Variants in KRT86 observed in about 807,000 individuals in gnomAD.
KRT86 encodes the protein keratin, type II cuticular Hb6.
KRT86 carries 30 observed loss-of-function variants against 41.2 expected under a neutral mutation model. That is an observed-to-expected ratio of 0.73 (90% CI 0.54 to 0.99). KRT86 has a LOEUF of 0.99. KRT86 is among the 50% of genes least tolerant of loss of function. KRT86 has a pLI of 0.00. For synonymous variants in KRT86, 238 were observed against 238.1 expected (o/e 1.00, Z 0.00); for missense variants, 561 against 571.4 (o/e 0.98, Z 0.19).
At chr12:52,299,610 A>T (rs1219768876) in intron 2 of KRT86, among the ~76,000 whole-genome samples, 2 of 152,228 alleles carry the variant, frequency 1.3e-5, no homozygotes, top group East Asian at 1.9e-4. Flanking sequence ...AGCATCCATA[A>T]TTTTTTTGTC....
At chr12:52,282,337 A>G (rs956909887) in intron 2 of KRT86, among the ~76,000 whole-genome samples, 8 of 151,298 alleles carry the variant, frequency 5.3e-5, no homozygotes, top group African/African-American at 1.9e-4. Flanking sequence ...GGTTCACACC[A>G]TTCTTCCGCC....
chr12:52,279,295 T>C (rs1937714971), intron 2 of KRT86: 1 of 152,384 alleles, frequency 6.6e-6, no homozygotes, highest in South Asian at 2.1e-4. Context: ...AGCCCTCTTG[T>C]GTCAGATGCC....
chr12:52,306,646 C>T, intron 9 of KRT86: 2 of 401,836 alleles, frequency 5.0e-6, no homozygotes, highest in South Asian at 4.9e-5. Flanking sequence ...TAGTCTGGCC[C>T]TGGCCCCATC....
intron 7 of KRT86, 74 bp downstream of exon 7, chr12:52,305,478 C>A: frequency 6.2e-7 from 1 of 1,612,392 alleles, no homozygotes; most frequent in South Asian, 1.1e-5. Flanking sequence ...AAATAGGCTT[C>A]CTTTTCTGGG....
chr12:52,308,213 C>G lies in KRT86; in HGVS notation c.1248-20C>G. The G allele has an allele frequency of 6.2e-7, 1 of 1,614,192 alleles. No individual in the cohort carries two copies. On this transcript the variant is annotated intron_variant, in intron 9 of 10. Transcript: ENST00000423955. ...GGCGCCTTTTCCGCGGCACTGACCTCTCGCCTTCTCTCCCTGCAGGCTGTG... is the reference window on the plus strand; with the variant it reads ...GGCGCCTTTTCCGCGGCACTGACCTGTCGCCTTCTCTCCCTGCAGGCTGTG...
intron 9 of KRT86, among the ~76,000 whole-genome samples, chr12:52,307,669 G>A (rs1423713195): frequency 6.6e-6 from 1 of 152,174 alleles, no homozygotes; most frequent in Non-Finnish European, 1.5e-5. Flanking sequence ...CAGTCTCTGA[G>A]CCTGTTCTAA....
chr12:52,288,546 G>A lies in KRT86; in HGVS notation c.-5+12600G>A. On this transcript the variant is annotated intron_variant, in intron 2 of 10. Coordinates refer to ENST00000423955, the MANE Select transcript of KRT86 (RefSeq NM_001320198.2). ...TGCCCATCCATTCCATGTAGCCAGG[G>A]GAAAGCAGTCCCTGGTGTCCCATTC... 10 of 1,482,714 alleles carry A rather than the reference G, an allele frequency of 6.7e-6. No homozygotes were observed. The South Asian group carries it at 9.0e-5, about 13-fold the overall frequency. The allele number at this position is 1,482,714 out of a possible 1,614,324, so 91.8% of individuals were successfully genotyped here.
At chr12:52,287,746 A>C (rs1293077023) in intron 2 of KRT86, 1 of 1,613,854 alleles carries the variant, frequency 6.2e-7, no homozygotes, top group Non-Finnish European at 8.5e-7. Flanking sequence ...GATGCTCATG[A>C]GGTTCAGGGT....
intron 2 of KRT86, 70 bp downstream of exon 2, chr12:52,276,016 C>T (rs1942553603): frequency 2.0e-6 from 2 of 985,702 alleles, no homozygotes; most frequent in Non-Finnish European, 2.4e-6. Flanking sequence ...TGACAACTGC[C>T]CCTCCCCACC....
In KRT86 at chr12:52,308,260, T is replaced by A; in HGVS notation, c.1275T>A (p.Asn425Lys). The stretch of plus-strand genomic sequence containing the variant: ...TGTGCGAGGGCGTCGGCTCGGTGAA[T>A]GTCTGTAAGTAGTGGGGTCCGTCCC... ...QRLCEGVGSVNVCVSSSRGGV... is the reference protein window; with the variant it reads ...QRLCEGVGSVKVCVSSSRGGV... The change falls in exon 10 of 11, where the codon AAT (asparagine) becomes AAA (lysine). Residue 425 changes from asparagine (N) to lysine (K), a missense_variant. Asn to Lys is a moderately conservative substitution (Grantham distance 94, BLOSUM62 0). Transcript: ENST00000423955. 2 of 1,614,184 alleles carry A rather than the reference T, an allele frequency of 1.2e-6. No individual in the cohort carries two copies. The highest frequency in any genetic ancestry group is 1.7e-6 in the Non-Finnish European group (2 of 1,180,032).
At chr12:52,291,896 C>A (rs140151415) in intron 2 of KRT86, among the ~76,000 whole-genome samples, 1 of 152,032 alleles carries the variant, frequency 6.6e-6, no homozygotes, top group East Asian at 1.9e-4. Flanking sequence ...GAGGAGGAGA[C>A]CTGTGTGTTA....
At chr12:52,284,886 A>G (rs957816130) in intron 2 of KRT86, among the ~76,000 whole-genome samples, 7 of 152,166 alleles carry the variant, frequency 4.6e-5, no homozygotes, top group Non-Finnish European at 4.4e-5. Flanking sequence ...ACTTCCATGC[A>G]TGAAGGAGCT....
chr12:52,305,223 G>C lies in KRT86; in HGVS notation c.736-17G>C. ...GGCTGTGTTCTCAACTAAAGTCACT[G>C]CCCTCACCTCCTGCAGGAGATCCGC... On this transcript the variant is annotated splice_polypyrimidine_tract_variant and intron_variant, in intron 6 of 10. Coordinates refer to ENST00000423955, the MANE Select transcript of KRT86 (RefSeq NM_001320198.2). 1 of 1,614,206 alleles carries C rather than the reference G, an allele frequency of 6.2e-7. No individual in the cohort carries two copies. The highest frequency in any genetic ancestry group is 8.5e-7 in the Non-Finnish European group (1 of 1,180,018).
At chr12:52,298,768 T>A (rs117605216) in intron 2 of KRT86, among the ~76,000 whole-genome samples, 2 of 152,224 alleles carry the variant, frequency 1.3e-5, no homozygotes, top group Non-Finnish European at 2.9e-5. Context: ...TTAACTAATA[T>A]GCCATGTATT....
intron 1 of KRT86, among the ~76,000 whole-genome samples, chr12:52,275,539 G>C (rs1328728140): frequency 6.6e-6 from 1 of 152,176 alleles, no homozygotes; most frequent in Admixed American, 6.5e-5. Flanking sequence ...ATGTGATCTT[G>C]GTCCCAAAGC....
At chr12:52,278,855 G>A in intron 2 of KRT86, 1 of 152,322 alleles carries the variant, frequency 6.6e-6, no homozygotes. Flanking sequence ...TTTGTCGGGG[G>A]CTATTTCTTC....
At chr12:52,278,697 T>C (rs1277934267) in intron 2 of KRT86, among the ~76,000 whole-genome samples, 1 of 152,108 alleles carries the variant, frequency 6.6e-6, no homozygotes. Flanking sequence ...AAGTAAACAG[T>C]AGGCTGGCAT....
rs1220707313 is a variant in KRT86 at position 52,306,103 on chromosome 12, G to A, written c.1070G>A (p.Gly357Asp). Residue 357 changes from glycine (G) to aspartate (D), a missense_variant, in exon 9 of 11, where the codon GGT (glycine) becomes GAT (aspartate). By Grantham distance (94) the Gly-to-Asp change is moderately conservative. Around this residue, in one of 3 missense-constraint regions of KRT86, gnomAD observed 397 missense variants for 375.9 expected, o/e 1.06. Coordinates refer to ENST00000423955, the MANE Select transcript of KRT86 (RefSeq NM_001320198.2). ...EAAVAQSEQQ[G>D]EAALSDARCK... ...GCGGTGGCTCAGTCTGAGCAGCAGG[G>A]TGAGGCGGCCCTCAGCGATGCCCGC... 1 of 1,614,072 alleles carries A rather than the reference G, an allele frequency of 6.2e-7. No homozygotes were observed. The highest frequency in any genetic ancestry group is 8.5e-7 in the Non-Finnish European group (1 of 1,180,038).
At chr12:52,297,489 A>T (rs1390718647) in intron 2 of KRT86, among the ~76,000 whole-genome samples, 1 of 152,206 alleles carries the variant, frequency 6.6e-6, no homozygotes, top group Non-Finnish European at 1.5e-5. Flanking sequence ...GCGATCAACT[A>T]TCTTGAGGAG....
Sources: gnomAD v4.1 joint callset for allele counts (sites outside exome capture counted in the v4.1 genomes callset) on GRCh38, gnomAD v4.1.1 for gene constraint, gnomAD v4.1.1 regional missense constraint, MANE v1.5 for transcripts, NCBI Gene and HGNC (gene_info 2026-07-23, HGNC 2026-07-21) for gene names.